RNF169: variants seen among roughly 807,000 people sequenced by gnomAD.
The protein encoded by RNF169 is E3 ubiquitin-protein ligase RNF169.
Under a neutral mutation model 53.9 loss-of-function variants are expected in RNF169, and 24 were observed. The observed-to-expected ratio is 0.45, with a 90% CI of 0.32 to 0.63. RNF169 has a LOEUF of 0.63. RNF169 is among the 20% of genes least tolerant of loss of function. RNF169 has a pLI of 0.04. For missense variants in RNF169, 883 were observed against 906.2 expected, an observed-to-expected ratio of 0.97 and a Z score of 0.33; for synonymous variants, 396 against 363.5, an observed-to-expected ratio of 1.09 and a Z score of -1.02.
rs753480028 is a variant in RNF169 at position 74,810,193 on chromosome 11, G to C, written c.586G>C (p.Glu196Gln). 3 of 1,607,144 alleles carry C rather than the reference G, an allele frequency of 1.9e-6. No individual in the cohort carries two copies. The highest frequency in any genetic ancestry group is 1.7e-6 in the Non-Finnish European group (2 of 1,178,426). The change falls in exon 3 of 6, where the codon GAA becomes CAA. Residue 196 changes from glutamate to glutamine, a missense_variant. Glu to Gln is a conservative substitution (Grantham distance 29, BLOSUM62 2). Coordinates refer to ENST00000299563, the MANE Select transcript of RNF169 (RefSeq NM_001098638.2). ...EYESLRKLRE[E>Q]KLQEEKPSED... Reference sequence around the variant, plus strand: ...TAATTTATATTTTTAGCTGAGAGAAGAAAAGTTACAAGAGGAAAAACCCTC... The same window carrying C: ...TAATTTATATTTTTAGCTGAGAGAACAAAAGTTACAAGAGGAAAAACCCTC...
At chr11:74,830,045 A>T (rs1691513501) in intron 4 of RNF169, among the ~76,000 whole-genome samples, 1 of 152,212 alleles carries the variant, frequency 6.6e-6, no homozygotes, top group South Asian at 2.1e-4. Context: ...AAACCTGTAC[A>T]TCAAAACTTA....
chr11:74,819,606 G>A (rs1428328688), intron 4 of RNF169, among the ~76,000 whole-genome samples: 1 of 152,140 alleles, frequency 6.6e-6, no homozygotes, highest in Non-Finnish European at 1.5e-5. Flanking sequence ...GTTAAACTGG[G>A]GCTTTGTCAG....
rs547807865 is a variant in RNF169 at position 74,789,627 on chromosome 11, C to T, written c.504C>T (p.Asp168=). 8.1e-6 allele frequency: 13 copies of T among 1,604,460 alleles called. No individual in the cohort carries two copies. In the East Asian group the frequency reaches 1.1e-4, roughly 14 times the overall value. Residue 168 remains aspartate, a splice_region_variant and synonymous_variant, in exon 2 of 6, where the codon GAC becomes GAT. Transcript: ENST00000299563. ...QEPRAAPAEP[D]FIFRAPIKLS... Reference sequence around the variant, plus strand: ...TATTTTCTTTTCCCTTTCTTTCAGACTTTATATTCAGAGCACCAATCAAAT... The same window carrying T: ...TATTTTCTTTTCCCTTTCTTTCAGATTTTATATTCAGAGCACCAATCAAAT...
intron 1 of RNF169, among the ~76,000 whole-genome samples, chr11:74,782,763 CTA>C (rs894182172): frequency 6.6e-6 from 1 of 151,940 alleles, no homozygotes; most frequent in African/African-American, 2.4e-5. Context: ...TTATATATAA[CTA>C]TATATTTGTG....
At chr11:74,831,871 C>A (rs1016503125) in intron 4 of RNF169, 1 of 152,152 alleles carries the variant, frequency 6.6e-6, no homozygotes, top group Non-Finnish European at 1.5e-5. Flanking sequence ...TGATTTCCAA[C>A]AAGGGTGCCA....
chr11:74,801,413 G>A (rs899447114), intron 2 of RNF169, among the ~76,000 whole-genome samples: 6 of 152,200 alleles, frequency 3.9e-5, no homozygotes, highest in African/African-American at 1.4e-4. Flanking sequence ...CCAGGAAACA[G>A]AGGATATAAA....
At chr11:74,818,283 A>G (rs1200746317) in intron 4 of RNF169, among the ~76,000 whole-genome samples, 2 of 152,218 alleles carry the variant, frequency 1.3e-5, no homozygotes, top group African/African-American at 4.8e-5. Context: ...AAGGAAGGGA[A>G]GCAAAGAAGA....
At chr11:74,762,483 G>A (rs973245962) in intron 1 of RNF169, among the ~76,000 whole-genome samples, 1 of 152,142 alleles carries the variant, frequency 6.6e-6, no homozygotes, top group African/African-American at 2.4e-5. Flanking sequence ...TGGGTTTTCG[G>A]TGTGGATGTC....
chr11:74,815,561 A>G (rs1591423763), intron 3 of RNF169, among the ~76,000 whole-genome samples: 1 of 152,156 alleles, frequency 6.6e-6, no homozygotes, highest in South Asian at 2.1e-4. Context: ...GTCTCCAAAA[A>G]AAAAGGAACT....
At position 74,748,919 on chromosome 11, in the gene RNF169, G is replaced by A. The variant is rs775957666; in HGVS notation, c.39G>A (p.Ala13=). The A allele has an allele frequency of 1.0e-5, 15 of 1,448,100 alleles. No homozygotes were observed. The highest frequency in any genetic ancestry group is 2.9e-5 in the East Asian group (1 of 34,414). 89.7% of individuals were successfully genotyped at this position (1,448,100 alleles called of 1,614,324 possible). Residue 13 remains alanine, a synonymous_variant, in exon 1 of 6, where the codon GCG becomes GCA. Coordinates refer to ENST00000299563, the MANE Select transcript of RNF169 (RefSeq NM_001098638.2). ...GTCCGAGTACTCGGGCCTCTTCCGC[G>A]GCGGCAGCAGCCGCTCTGAGTCGGC... ...AAGPSTRASS[A]AAAAALSRRG...
chr11:74,750,865 GTTTTTTTTTTTTT>G (rs35173529), intron 1 of RNF169, among the ~76,000 whole-genome samples: 3 of 60,130 alleles, frequency 5.0e-5, no homozygotes, highest in Non-Finnish European at 5.9e-5. Flanking sequence ...GCCTCCCAAG[GTTTTTTTTTTTTT>G]TTTTTTTTTT....
intron 1 of RNF169, among the ~76,000 whole-genome samples, chr11:74,772,293 G>A (rs1404439334): frequency 2.6e-5 from 4 of 152,100 alleles, no homozygotes; most frequent in African/African-American, 7.2e-5. Flanking sequence ...CTCATTGACC[G>A]TGACAAAGCT....
At chr11:74,767,895 C>A (rs989895556) in intron 1 of RNF169, among the ~76,000 whole-genome samples, 1 of 152,232 alleles carries the variant, frequency 6.6e-6, no homozygotes, top group Non-Finnish European at 1.5e-5. Flanking sequence ...CAGGGCAGGT[C>A]TTGAACTCCT....
At chr11:74,762,209 A>T (rs1297970497) in intron 1 of RNF169, among the ~76,000 whole-genome samples, 1 of 149,444 alleles carries the variant, frequency 6.7e-6, no homozygotes, top group Non-Finnish European at 1.5e-5. Flanking sequence ...ATTCTTCTAA[A>T]TTTTTTTCAA....
intron 1 of RNF169, among the ~76,000 whole-genome samples, chr11:74,771,864 A>G (rs1188607095): frequency 6.6e-6 from 1 of 152,208 alleles, no homozygotes; most frequent in African/African-American, 2.4e-5. Flanking sequence ...ACCAGCTTGG[A>G]CAACATCAAG....
At chr11:74,769,317 G>A (rs1034547349) in intron 1 of RNF169, among the ~76,000 whole-genome samples, 6 of 152,176 alleles carry the variant, frequency 3.9e-5, no homozygotes, top group African/African-American at 7.2e-5. Flanking sequence ...CCAGTGATAT[G>A]CCATCAGACT....
At chr11:74,769,998 C>T (rs761494950) in intron 1 of RNF169, among the ~76,000 whole-genome samples, 4 of 152,186 alleles carry the variant, frequency 2.6e-5, no homozygotes, top group Non-Finnish European at 5.9e-5. Context: ...CACCATGTTG[C>T]CCAGGTTGGT....
In RNF169 at chr11:74,748,918, C is replaced by G. The variant is rs866449533; in HGVS notation, c.38C>G (p.Ala13Gly). ...AAGPSTRASS[A>G]AAAAALSRRG... ...GGTCCGAGTACTCGGGCCTCTTCCG[C>G]GGCGGCAGCAGCCGCTCTGAGTCGG... The change falls in exon 1 of 6, where the codon GCG (alanine) becomes GGG (glycine). Residue 13 changes from alanine to glycine, a missense_variant. Physicochemically the swap from Ala to Gly is moderately conservative, Grantham distance 60. Coordinates refer to ENST00000299563, the MANE Select transcript of RNF169 (RefSeq NM_001098638.2). 1 of 1,448,568 alleles carries G rather than the reference C, an allele frequency of 6.9e-7. No individual in the cohort carries two copies. Among genetic ancestry groups the G allele is most frequent in the Admixed American group, 2.5e-5 (1 of 40,568 alleles). The allele number at this position is 1,448,568 out of a possible 1,614,324, so 89.7% of individuals were successfully genotyped here.
chr11:74,797,790 G>A (rs1565179794), intron 2 of RNF169, among the ~76,000 whole-genome samples: 1 of 152,180 alleles, frequency 6.6e-6, no homozygotes, highest in Non-Finnish European at 1.5e-5. Context: ...GACCAGCCTG[G>A]GCAATATAGT....
Sources: gnomAD v4.1 joint callset for allele counts (sites outside exome capture counted in the v4.1 genomes callset) on GRCh38, gnomAD v4.1.1 for gene constraint, MANE v1.5 for transcripts, NCBI Gene and HGNC (gene_info 2026-07-23, HGNC 2026-07-21) for gene names.